Variants in CCDC22 observed in about 807,000 individuals in gnomAD.
CCDC22 encodes the protein CCC complex scaffolding subunit CCDC22.
CCDC22 carries 4 observed loss-of-function variants against 53.1 expected under a neutral mutation model. The ratio of observed to expected loss-of-function variants is 0.08; its 90% CI spans 0.04 to 0.17. The LOEUF (loss-of-function observed/expected upper bound fraction) is 0.17. Ranked by LOEUF, CCDC22 falls within the 10% of genes least tolerant of loss-of-function variation. CCDC22 has a pLI of 1.00. For missense variants in CCDC22, 458 were observed against 554.0 expected, an observed-to-expected ratio of 0.83 and a Z score of 1.74; for synonymous variants, 222 against 224.4, an observed-to-expected ratio of 0.99 and a Z score of 0.10.
In CCDC22 at chrX:49,248,567, C is replaced by T. The variant is rs181660710; in HGVS notation, c.1329+44C>T. On this transcript the variant is annotated intron_variant, in intron 11 of 16. Transcript: ENST00000376227. Reference sequence around the variant, plus strand: ...GGCTGTGGGCGGGCCAGGGCAGGCTCGGTCCCTCTCTAGGGGGCCATCCCT... The same window carrying T: ...GGCTGTGGGCGGGCCAGGGCAGGCTTGGTCCCTCTCTAGGGGGCCATCCCT... The T allele has an allele frequency of 2.6e-5, 31 of 1,193,003 alleles. No homozygotes were observed. In the Admixed American group the frequency reaches 4.0e-4, roughly 15 times the overall value.
At position 49,246,348 on chromosome X, in the gene CCDC22, C is replaced by G. The variant is rs183357686; in HGVS notation, c.715-383C>G. On this transcript the variant is annotated intron_variant, in intron 6 of 16. Coordinates refer to ENST00000376227, the MANE Select transcript of CCDC22 (RefSeq NM_014008.5). ...CCATTATCTTGAAACTCTGTTGTCC[C>G]TCTCTTGCCTCTCTCTCTCTGCCTC... is the stretch of plus-strand genomic sequence containing the variant. Among the ~76,000 whole-genome samples the G allele has an allele frequency of 4.5e-5, 5 of 112,290 alleles. No individual in the cohort carries two copies. In the East Asian group the frequency reaches 1.4e-3, roughly 31 times the overall value.
chrX:49,240,002 C>T (rs942042760), intron 2 of CCDC22, among the ~76,000 whole-genome samples: 1 of 109,417 alleles, frequency 9.1e-6, no homozygotes, highest in Non-Finnish European at 1.9e-5. Context: ...GTAATCCCAG[C>T]ACTTTGGGAG....
At chrX:49,241,194 A>C (rs2065961731) in intron 2 of CCDC22, among the ~76,000 whole-genome samples, 1 of 111,747 alleles carries the variant, frequency 8.9e-6, no homozygotes, top group East Asian at 2.8e-4. Flanking sequence ...CTGGAAGAAA[A>C]AGGCTTTCCT....
At chrX:49,248,972 T>C (rs1467067119) in intron 13 of CCDC22, 48 bp downstream of exon 13, 3 of 1,185,386 alleles carry the variant, frequency 2.5e-6, no homozygotes, top group African/African-American at 3.5e-5. Context: ...CTGTCAGGCA[T>C]AGTGTGGCCG....
At chrX:49,237,334 A>G in intron 2 of CCDC22, 71 bp downstream of exon 2, 1 of 979,901 alleles carries the variant, frequency 1.0e-6, no homozygotes, top group Non-Finnish European at 1.4e-6. Flanking sequence ...GTTCCTTTGC[A>G]ACACTTGCCT....
chrX:49,248,217 G>T lies in CCDC22; in HGVS notation c.1119G>T (p.Lys373Asn). ...VQAESECRHS[K>N]LSTAEREQAL... ...CAGAGTCTGAGTGCCGGCACAGCAA[G>T]CTCAGTACAGCAGAGCGTGAGCAGG... Residue 373 changes from lysine to asparagine, a missense_variant, in exon 10 of 17, where the codon AAG becomes AAT. Physicochemically the swap from Lys to Asn is moderately conservative, Grantham distance 94. Around this residue, in one of 4 missense-constraint regions of CCDC22, gnomAD observed 309 missense variants for 312.3 expected, o/e 0.99. Coordinates refer to ENST00000376227, the MANE Select transcript of CCDC22 (RefSeq NM_014008.5). 1 of 1,205,053 alleles carries T rather than the reference G, an allele frequency of 8.3e-7. No individual in the cohort carries two copies.
chrX:49,243,027 C>A, intron 4 of CCDC22, 35 bp downstream of exon 4: 1 of 1,133,959 alleles, frequency 8.8e-7, no homozygotes, highest in Non-Finnish European at 1.2e-6. Flanking sequence ...CTTCTCTTGT[C>A]CCCGTCTGGG....
At chrX:49,236,122 CA>C (rs2065936948) in intron 1 of CCDC22, among the ~76,000 whole-genome samples, 1 of 109,090 alleles carries the variant, frequency 9.2e-6, no homozygotes, top group Non-Finnish European at 1.9e-5. Flanking sequence ...TCGGGGACTC[CA>C]AAAAATCCCT....
chrX:49,235,574 G>C lies in CCDC22; in HGVS notation c.-63G>C. 2.0e-6 allele frequency: 2 copies of C among 1,010,099 alleles called. No individual in the cohort carries two copies. Among genetic ancestry groups the C allele is most frequent in the Non-Finnish European group, 2.7e-6 (2 of 729,020 alleles). 83.2% of individuals were successfully genotyped at this position (1,010,099 alleles called of 1,213,427 possible). ...GCGAGCACGGAGCAGGGTTTCTACA[G>C]CTGCTCCCCACTTTCTCGGACCCGG... On this transcript the variant is annotated 5_prime_UTR_variant, in exon 1 of 17. Transcript: ENST00000376227.
At position 49,237,406 on chromosome X, in the gene CCDC22, G is replaced by C. The variant is rs908838783; in HGVS notation, c.228+143G>C. The C allele has an allele frequency of 1.0e-5, 6 of 586,619 alleles. No individual in the cohort carries two copies. The South Asian group carries it at 1.6e-4, about 16-fold the overall frequency. The allele number at this position is 586,619 out of a possible 1,213,427, so 48.3% of individuals were successfully genotyped here. A position where few individuals can be genotyped will look rare whatever the true frequency, so the allele number is the denominator to read the frequency against. On this transcript the variant is annotated intron_variant, in intron 2 of 16. Transcript: ENST00000376227. The stretch of plus-strand genomic sequence containing the variant: ...GCCTTTCCTCTGTCATTTTTCCTGC[G>C]GCTTAGTTTTCATTAGTGGTTAAGG...
At chrX:49,237,039 C>T (rs1557112797) in intron 1 of CCDC22, 47 bp from the exon 2 acceptor site, 1 of 1,151,115 alleles carries the variant, frequency 8.7e-7, no homozygotes, top group Admixed American at 2.2e-5. Flanking sequence ...TCAGCCTGAT[C>T]CCTGTTGCCT....
intron 1 of CCDC22, among the ~76,000 whole-genome samples, 175 bp downstream of exon 1, chrX:49,235,861 A>ACACACACGCACG (rs1317193784): frequency 3.8e-5 from 4 of 105,740 alleles, no homozygotes; most frequent in African/African-American, 1.4e-4. Context: ...ACACACACAC[A>ACACACACGCACG]CACGCACACA....
intron 7 of CCDC22, 131 bp downstream of exon 7, chrX:49,247,056 T>C: frequency 3.4e-6 from 2 of 581,048 alleles, no homozygotes; most frequent in Non-Finnish European, 5.6e-6. Context: ...CGCCCCACTG[T>C]GGGATGGGTA....
Position 49,248,073 on chromosome X carries a change from CG to C in CCDC22, c.1093-114del, listed in dbSNP as rs782702519. 3.2e-5 allele frequency: 37 copies of C among 1,156,541 alleles called. No homozygotes were observed. The East Asian group carries it at 7.7e-4, about 24-fold the overall frequency. On this transcript the variant is annotated intron_variant, in intron 9 of 16. Coordinates refer to ENST00000376227, the MANE Select transcript of CCDC22 (RefSeq NM_014008.5). Reference sequence around the variant, plus strand: ...CATGGACAGGGGATTAGGGGGTCCTCGGGGTCCTTGGCACCAGCGTGGAGCT... The same window carrying C: ...CATGGACAGGGGATTAGGGGGTCCTCGGGTCCTTGGCACCAGCGTGGAGCT...
intron 2 of CCDC22, among the ~76,000 whole-genome samples, chrX:49,241,634 A>G (rs1557113375): frequency 9.0e-6 from 1 of 111,315 alleles, no homozygotes; most frequent in Non-Finnish European, 1.9e-5. Flanking sequence ...CACTCTTTCT[A>G]TAATAGGTAG....
chrX:49,249,129 C>A (rs782380776), intron 13 of CCDC22, 38 bp from the exon 14 acceptor site: 3 of 1,172,879 alleles, frequency 2.6e-6, no homozygotes, highest in Non-Finnish European at 2.3e-6. Context: ...GCCAGCCTGC[C>A]CCAGGCAGGG....
intron 2 of CCDC22, chrX:49,239,328 G>T (rs1557113127): frequency 9.7e-6 from 3 of 309,781 alleles, no homozygotes; most frequent in Non-Finnish European, 1.3e-5. Flanking sequence ...ATGGGTATAA[G>T]AATTGTAGCT....
chrX:49,244,996 CCT>C (rs781965731), intron 6 of CCDC22, among the ~76,000 whole-genome samples: 6 of 110,153 alleles, frequency 5.4e-5, no homozygotes, highest in Non-Finnish European at 7.6e-5. Context: ...TCTCTGTCCA[CCT>C]CTCTGTCACC....
rs1443511548 is a variant in CCDC22, at chrX:49,237,077, C to T, written c.51-9C>T. ...CTATTCCTGCGATCAAGCTGGTCCC[C>T]TTCTTCAGGGCAGTTCCTCCAGATG... On this transcript the variant is annotated splice_polypyrimidine_tract_variant and intron_variant, in intron 1 of 16. Transcript: ENST00000376227. 8.3e-7 allele frequency: 1 copy of T among 1,202,575 alleles called. No homozygotes were observed. The highest frequency in any genetic ancestry group is 1.7e-5 in the African/African-American group (1 of 57,250).
Sources: gnomAD v4.1 joint callset for allele counts (sites outside exome capture counted in the v4.1 genomes callset) on GRCh38, gnomAD v4.1.1 for gene constraint, gnomAD v4.1.1 regional missense constraint, MANE v1.5 for transcripts, NCBI Gene and HGNC (gene_info 2026-07-23, HGNC 2026-07-21) for gene names.